ARID2: variants seen among roughly 807,000 people sequenced by gnomAD.
The protein encoded by ARID2 is AT-rich interaction domain 2, also known as AT-rich interactive domain-containing protein 2.
ARID2 carries 32 observed loss-of-function variants against 184.6 expected under a neutral mutation model. The observed-to-expected ratio is 0.17, with a 90% CI of 0.13 to 0.23. ARID2 has a LOEUF of 0.23. Ranked by LOEUF, ARID2 falls within the 10% of genes least tolerant of loss-of-function variation. The probability of loss-of-function intolerance (pLI) is 1.00; values close to 1 mark genes in which losing one functional copy is unlikely to be tolerated. For missense variants in ARID2, 1,696 were observed against 2,197.6 expected (o/e 0.77, Z 4.56); for synonymous variants, 836 against 772.6 (o/e 1.08, Z -1.36).
chr12:45,828,106 T>C (rs954489965), intron 6 of ARID2, among the ~76,000 whole-genome samples: 8 of 152,102 alleles, frequency 5.3e-5, no homozygotes, highest in Admixed American at 2.6e-4. Context: ...AATACACTCA[T>C]GTAATCGTTA....
chr12:45,748,465 A>G (rs567442245), intron 3 of ARID2, among the ~76,000 whole-genome samples: 1 of 152,268 alleles, frequency 6.6e-6, no homozygotes, highest in South Asian at 2.1e-4. Context: ...AGTGAGTCAT[A>G]ATCTTTTTAC....
rs138825597 is a variant in ARID2, at chr12:45,852,068, G to A, written c.3945G>A (p.Glu1315=). The change falls in exon 15 of 21, where the codon GAG becomes GAA. Residue 1315 remains glutamate, a synonymous_variant. Coordinates refer to ENST00000334344, the MANE Select transcript of ARID2 (RefSeq NM_152641.4). ...CAAACTCAGGGAAAATTCAAAGTGA[G>A]ACTAATCAGTGCTCACTAATCAGTA... The part of the protein sequence containing the change: ...PPSNSGKIQS[E]TNQCSLISNG... 4 of 1,613,968 alleles carry A rather than the reference G, an allele frequency of 2.5e-6. No homozygotes were observed. The highest frequency in any genetic ancestry group is 1.6e-4 in the Middle Eastern group (1 of 6,084).
intron 20 of ARID2, chr12:45,904,483 G>T: frequency 3.5e-6 from 2 of 567,326 alleles, no homozygotes; most frequent in Non-Finnish European, 6.4e-6. Context: ...ACAAGGTCAA[G>T]AGATCGAGAC....
intron 4 of ARID2, among the ~76,000 whole-genome samples, chr12:45,812,859 C>T (rs1942734963): frequency 6.6e-6 from 1 of 152,176 alleles, no homozygotes; most frequent in South Asian, 2.1e-4. Context: ...AGCTATTAAT[C>T]CTTGTAACTT....
intron 3 of ARID2, among the ~76,000 whole-genome samples, chr12:45,805,091 T>G (rs1007388068): frequency 7.2e-5 from 11 of 152,114 alleles, no homozygotes; most frequent in South Asian, 4.1e-4. Context: ...TTTATGGATG[T>G]TTGTGTTGTT....
intron 3 of ARID2, among the ~76,000 whole-genome samples, chr12:45,757,467 G>T (rs1202313139): frequency 6.6e-6 from 1 of 152,180 alleles, no homozygotes; most frequent in Non-Finnish European, 1.5e-5. Context: ...AAACTTGCTA[G>T]ATAAAATGGA....
intron 3 of ARID2, among the ~76,000 whole-genome samples, chr12:45,735,601 T>G (rs533561507): frequency 6.6e-6 from 1 of 152,152 alleles, no homozygotes; most frequent in African/African-American, 2.4e-5. Context: ...GATACAAAAG[T>G]GAGCCACTGA....
chr12:45,794,830 G>A (rs1405021286), intron 3 of ARID2, among the ~76,000 whole-genome samples: 1 of 152,158 alleles, frequency 6.6e-6, no homozygotes, highest in Non-Finnish European at 1.5e-5. Flanking sequence ...TATAAATTAT[G>A]TGGTAGAACT....
chr12:45,896,450 G>A (rs1437648721), intron 20 of ARID2, among the ~76,000 whole-genome samples: 1 of 152,158 alleles, frequency 6.6e-6, no homozygotes, highest in African/African-American at 2.4e-5. Flanking sequence ...ATGGGGGCAC[G>A]TCTCTCCTGT....
chr12:45,894,798 C>G (rs1237610476), intron 20 of ARID2, among the ~76,000 whole-genome samples: 1 of 150,704 alleles, frequency 6.6e-6, no homozygotes, highest in African/African-American at 2.5e-5. Context: ...TGATTTAGTT[C>G]ATAACATTTC....
chr12:45,781,050 C>T (rs1286614318), intron 3 of ARID2, among the ~76,000 whole-genome samples: 1 of 151,984 alleles, frequency 6.6e-6, no homozygotes, highest in African/African-American at 2.4e-5. Flanking sequence ...CTAAATCCCC[C>T]ACTCCCATAA....
intron 3 of ARID2, among the ~76,000 whole-genome samples, chr12:45,734,983 G>A (rs1424044677): frequency 1.3e-5 from 2 of 152,086 alleles, no homozygotes; most frequent in African/African-American, 4.8e-5. Context: ...AAAACTATAT[G>A]TTACTAGTTT....
At chr12:45,762,859 A>G (rs1040171671) in intron 3 of ARID2, among the ~76,000 whole-genome samples, 2 of 152,216 alleles carry the variant, frequency 1.3e-5, no homozygotes, top group Non-Finnish European at 2.9e-5. Flanking sequence ...GAACAAGTTT[A>G]TCTTTAACAA....
At chr12:45,729,968 G>T (rs750820730) in intron 1 of ARID2, 40 bp downstream of exon 1, 1 of 1,604,416 alleles carries the variant, frequency 6.2e-7, no homozygotes, top group Non-Finnish European at 8.5e-7. Context: ...GGGCGAGCCG[G>T]GGCGAACGGG....
chr12:45,877,004 A>C (rs1028984387), intron 16 of ARID2, among the ~76,000 whole-genome samples: 4 of 151,354 alleles, frequency 2.6e-5, no homozygotes, highest in African/African-American at 9.7e-5. Flanking sequence ...AGGCAGGAGA[A>C]TAGCGTGAAC....
At chr12:45,883,707 C>T (rs905824650) in intron 16 of ARID2, among the ~76,000 whole-genome samples, 2 of 151,132 alleles carry the variant, frequency 1.3e-5, no homozygotes, top group African/African-American at 4.9e-5. Flanking sequence ...TTAGACATAC[C>T]AGGTTTCAAA....
At position 45,811,472 on chromosome 12, in the gene ARID2, A is replaced by C. The variant is rs73292513; in HGVS notation, c.339A>C (p.Val113=). 1,684 of 1,613,776 alleles carry C rather than the reference A, an allele frequency of 1.0e-3. 15 individuals carry two copies. In the African/African-American group the frequency reaches 0.02, roughly 19 times the overall value. Residue 113 remains valine (V), a synonymous_variant, in exon 4 of 21, where the codon GTA becomes GTC. Coordinates refer to ENST00000334344, the MANE Select transcript of ARID2 (RefSeq NM_152641.4). ...ATTTTGGGGAGGATGATGATGAGGT[A>C]CCACCAGGCAATCCAAAGCCACAGC... The part of the protein sequence containing the change: ...VHHFGEDDDE[V]PPGNPKPQLP...
chr12:45,876,293 G>C (rs1944007101), intron 16 of ARID2, among the ~76,000 whole-genome samples: 1 of 152,244 alleles, frequency 6.6e-6, no homozygotes, highest in Non-Finnish European at 1.5e-5. Flanking sequence ...GCTCACGCCT[G>C]TAATCCCAGC....
intron 3 of ARID2, among the ~76,000 whole-genome samples, chr12:45,803,644 A>G (rs1243881151): frequency 1.3e-5 from 2 of 152,040 alleles, no homozygotes; most frequent in Non-Finnish European, 2.9e-5. Context: ...CTTTTGGCCT[A>G]CTTCTTTCAT....
Sources: allele counts gnomAD v4.1 joint callset (sites outside exome capture counted in the v4.1 genomes callset), GRCh38; gene constraint gnomAD v4.1.1; transcripts MANE v1.5; gene names NCBI Gene and HGNC (gene_info 2026-07-23, HGNC 2026-07-21).